The following VCL variants were observed in gnomAD, a reference collection of about 807,000 sequenced individuals.
The protein encoded by VCL is vinculin, also known as epididymis luminal protein 114.
Under a neutral mutation model 125.7 loss-of-function variants are expected in VCL, and 47 were observed. The observed-to-expected ratio is 0.37, with a 90% CI of 0.30 to 0.48. The LOEUF (loss-of-function observed/expected upper bound fraction) is 0.48. Among genes scored for constraint, VCL ranks in the 20% least tolerant of loss-of-function variants. The probability of loss-of-function intolerance (pLI) is 0.99; values close to 1 mark genes in which losing one functional copy is unlikely to be tolerated. For synonymous variants in VCL, 458 were observed against 514.6 expected (o/e 0.89, Z 1.49); for missense variants, 1,069 against 1,455.5 (o/e 0.73, Z 4.32).
In VCL at chr10:74,102,030, T is replaced by C. The variant is rs575128275; in HGVS notation, c.2022+933T>C. ...ACAGGCACCCGCCACCATGCCCGGC[T>C]AATTTTTCTATTTTTTAGTAGAGAC... On this transcript the variant is annotated intron_variant, in intron 14 of 21. Coordinates refer to ENST00000211998, the MANE Select transcript of VCL (RefSeq NM_014000.3). 1.8e-4 allele frequency among the ~76,000 whole-genome samples: 12 copies of C among 66,958 alleles called. 1 individual carries two copies. The East Asian group carries it at 2.9e-3, about 16-fold the overall frequency. 43.9% of individuals were successfully genotyped at this position (66,958 alleles called of 152,430 possible).
chr10:74,052,426 G>T (rs1419376815), intron 2 of VCL, among the ~76,000 whole-genome samples: 12 of 143,522 alleles, frequency 8.4e-5, no homozygotes, highest in Admixed American at 7.2e-4. Context: ...GCACAAGTTG[G>T]AGTGCAGTAG....
At chr10:74,079,046 A>C (rs1839638007) in intron 6 of VCL, among the ~76,000 whole-genome samples, 1 of 152,178 alleles carries the variant, frequency 6.6e-6, no homozygotes, top group African/African-American at 2.4e-5. Flanking sequence ...ATTATTATTC[A>C]CAGGTGTTCT....
At chr10:74,009,968 A>G (rs1840400840) in intron 1 of VCL, among the ~76,000 whole-genome samples, 1 of 150,832 alleles carries the variant, frequency 6.6e-6, no homozygotes, top group Admixed American at 6.6e-5. Flanking sequence ...TCTGTTGCCC[A>G]GGCTGGAGTG....
chr10:74,090,041 A>C lies in VCL; in HGVS notation c.1195A>C (p.Asn399His), dbSNP rs377228795. The part of the protein sequence containing the change: ...DAAQNWLADP[N>H]GGPEGEEQIR... ...TGTGTAGAACTGGCTTGCAGATCCA[A>C]ATGGTGGACCGGAAGGAGAAGAGCA... Residue 399 changes from asparagine (N) to histidine (H), a missense_variant, in exon 10 of 22, where the codon AAT becomes CAT. Coordinates refer to ENST00000211998, the MANE Select transcript of VCL (RefSeq NM_014000.3). The C allele has an allele frequency of 4.2e-5, 67 of 1,614,010 alleles. 1 individual carries two copies. In the South Asian group the frequency reaches 4.3e-4, roughly 10 times the overall value.
intron 2 of VCL, among the ~76,000 whole-genome samples, chr10:74,065,459 A>G (rs1841554357): frequency 6.6e-6 from 1 of 152,068 alleles, no homozygotes; most frequent in Non-Finnish European, 1.5e-5. Context: ...GGAGTCTGAC[A>G]TGGATGAATT....
At position 74,104,943 on chromosome 10, in the gene VCL, G is replaced by T. The variant is rs1382688316; in HGVS notation, c.2132-108G>T. On this transcript the variant is annotated intron_variant, in intron 15 of 21. Coordinates refer to ENST00000211998, the MANE Select transcript of VCL (RefSeq NM_014000.3). ...TAGGAAGAGTTTGAGCTGAAGAAGAGAATTCTGGATGTTATACTTTCTCAT... is the reference window on the plus strand; with the variant it reads ...TAGGAAGAGTTTGAGCTGAAGAAGATAATTCTGGATGTTATACTTTCTCAT... 5 of 1,262,778 alleles carry T rather than the reference G, an allele frequency of 4.0e-6. No individual in the cohort carries two copies. In the South Asian group the frequency reaches 6.5e-5, roughly 17 times the overall value. 78.2% of individuals were successfully genotyped at this position (1,262,778 alleles called of 1,614,324 possible).
rs1044755061 is a variant in VCL, at chr10:74,117,376, G to A, written c.3259-647G>A. Among the ~76,000 whole-genome samples the A allele has an allele frequency of 3.3e-5, 5 of 152,144 alleles. 1 individual carries two copies. The highest frequency in any genetic ancestry group is 4.8e-5 in the African/African-American group (2 of 41,436). Reference sequence around the variant, plus strand: ...CAATGGAAAAAATAAGGCCAAGCGCGGTGGCTCACGCCTACTGTATGTAGT... The same window carrying A: ...CAATGGAAAAAATAAGGCCAAGCGCAGTGGCTCACGCCTACTGTATGTAGT... On this transcript the variant is annotated intron_variant, in intron 21 of 21. Transcript: ENST00000211998.
downstream of VCL, chr10:74,120,280 A>G (rs1840394396): frequency 6.6e-6 from 1 of 152,234 alleles, no homozygotes; most frequent in Non-Finnish European, 1.5e-5. Flanking sequence ...TTTTTATTTA[A>G]TCCAAATGTT....
intron 1 of VCL, among the ~76,000 whole-genome samples, chr10:74,040,095 C>G (rs1180024186): frequency 6.6e-6 from 1 of 152,204 alleles, no homozygotes; most frequent in Non-Finnish European, 1.5e-5. Context: ...AAAGTCTCAG[C>G]TCCAATTTTG....
intron 1 of VCL, among the ~76,000 whole-genome samples, chr10:74,013,767 G>T (rs1565633292): frequency 6.6e-6 from 1 of 152,130 alleles, no homozygotes; most frequent in Non-Finnish European, 1.5e-5. Flanking sequence ...GGTTAAATTA[G>T]TTCATTAAAA....
chr10:74,082,637 T>C, intron 7 of VCL, 93 bp downstream of exon 7: 1 of 1,302,408 alleles, frequency 7.7e-7, no homozygotes, highest in Non-Finnish European at 1.1e-6. Flanking sequence ...TCTCATCATC[T>C]GAGAGAACTA....
intron 19 of VCL, among the ~76,000 whole-genome samples, chr10:74,112,666 C>T (rs560184113): frequency 6.6e-6 from 1 of 152,126 alleles, no homozygotes; most frequent in East Asian, 1.9e-4. Context: ...GACTGCTTGT[C>T]CAGGTATCTC....
chr10:74,067,826 C>T (rs1023449581), intron 2 of VCL, among the ~76,000 whole-genome samples: 5 of 152,078 alleles, frequency 3.3e-5, no homozygotes, highest in Middle Eastern at 3.4e-3. Flanking sequence ...TATCAGGGGA[C>T]GGGGGAAGGA....
intron 17 of VCL, among the ~76,000 whole-genome samples, chr10:74,107,866 C>G (rs926265364): frequency 1.3e-5 from 2 of 151,988 alleles, no homozygotes; most frequent in African/African-American, 4.8e-5. Flanking sequence ...CACTACCCCC[C>G]GCAAGTACTG....
intron 1 of VCL, among the ~76,000 whole-genome samples, chr10:74,037,984 TTTTTC>T (rs1208309289): frequency 2.1e-5 from 3 of 141,140 alleles, no homozygotes; most frequent in Non-Finnish European, 3.0e-5. Flanking sequence ...TCTTTGTTTC[TTTTTC>T]TTTTCTTTTC....
chr10:74,066,760 C>G (rs1179535376), intron 2 of VCL, among the ~76,000 whole-genome samples: 2 of 151,552 alleles, frequency 1.3e-5, no homozygotes, highest in East Asian at 3.9e-4. Flanking sequence ...TAACCTCTGC[C>G]TCCTGGGTTC....
chr10:74,118,664 CT>C lies in VCL; in HGVS notation c.*497del. On this transcript the variant is annotated 3_prime_UTR_variant, in exon 22 of 22. Coordinates refer to ENST00000211998, the MANE Select transcript of VCL (RefSeq NM_014000.3). ...CCATGTTGCTGCCAACCATACCTTCCTTCCCTGGGCTGTGCTACCTGGGTCC... is the reference window on the plus strand; with the variant it reads ...CCATGTTGCTGCCAACCATACCTTCCTCCCTGGGCTGTGCTACCTGGGTCC... The C allele has an allele frequency of 4.4e-6, 1 of 228,426 alleles. No individual in the cohort carries two copies. The highest frequency in any genetic ancestry group is 8.8e-6 in the Non-Finnish European group (1 of 113,202). The allele number at this position is 228,426 out of a possible 1,614,324, so 14.1% of individuals were successfully genotyped here. A position where few individuals can be genotyped will look rare whatever the true frequency, so the allele number is the denominator to read the frequency against.
Position 74,111,987 on chromosome 10 carries a change from C to T in VCL, c.2824C>T (p.Pro942Ser), listed in dbSNP as rs1268884742. The change falls in exon 19 of 22, where the codon CCC (proline) becomes TCC (serine). Residue 942 changes from proline to serine, a missense_variant. Transcript: ENST00000211998. ...DAADAAGFPV[P>S]PDMEDDYEPE... is the part of the protein sequence containing the mutation. ...GGCCGATGCTGCTGGCTTCCCTGTCCCCCCTGACATGGAAGACGATTACGA... is the reference window on the plus strand; with the variant it reads ...GGCCGATGCTGCTGGCTTCCCTGTCTCCCCTGACATGGAAGACGATTACGA... 7.4e-6 allele frequency: 12 copies of T among 1,614,168 alleles called. No individual in the cohort carries two copies. In the Middle Eastern group the frequency reaches 4.9e-4, roughly 67 times the overall value.
In VCL at chr10:74,114,408, CGTGTGT is replaced by C. The variant is rs3037359; in HGVS notation, c.3153+45_3153+50del. The C allele has an allele frequency of 3.6e-3, 5,208 of 1,449,442 alleles. 86 individuals carry two copies. The African/African-American group carries it at 0.056, about 16-fold the overall frequency. 89.8% of individuals were successfully genotyped at this position (1,449,442 alleles called of 1,614,324 possible). A position where few individuals can be genotyped will look rare whatever the true frequency, so the allele number is the denominator to read the frequency against. ...TACAGGTACTCGGGGAAAGAGGCTG[CGTGTGT>C]GTGTGTGTGTGTGTGTGTGTGTGCG... is the stretch of plus-strand genomic sequence containing the variant. On this transcript the variant is annotated intron_variant, in intron 20 of 21. Transcript: ENST00000211998.
Sources: gnomAD v4.1 joint callset for allele counts (sites outside exome capture counted in the v4.1 genomes callset) on GRCh38, gnomAD v4.1.1 for gene constraint, MANE v1.5 for transcripts, NCBI Gene and HGNC (gene_info 2026-07-23, HGNC 2026-07-21) for gene names.